LPAR1: variants seen among roughly 807,000 people sequenced by gnomAD.
The protein encoded by LPAR1 is lysophosphatidic acid receptor 1, also known as LPA receptor 1.
A neutral mutation model predicts 23.8 loss-of-function variants in LPAR1; 5 were observed. The ratio of observed to expected loss-of-function variants is 0.21; its 90% CI spans 0.11 to 0.44. LPAR1 has a LOEUF of 0.44. Ranked by LOEUF, LPAR1 falls within the 20% of genes least tolerant of loss-of-function variation. The pLI is 0.99. For synonymous variants in LPAR1, 160 were observed against 164.7 expected (o/e 0.97, Z 0.22); for missense variants, 311 against 482.8 (o/e 0.64, Z 3.33).
chr9:110,964,353 C>A (rs1186352644), intron 4 of LPAR1, among the ~76,000 whole-genome samples: 1 of 151,956 alleles, frequency 6.6e-6, no homozygotes. Flanking sequence ...ACTGAAGAAA[C>A]CTGAATGTGA....
intron 5 of LPAR1, among the ~76,000 whole-genome samples, chr9:110,897,069 G>A (rs909618542): frequency 2.0e-5 from 3 of 152,162 alleles, no homozygotes; most frequent in Admixed American, 1.3e-4. Context: ...TTACAGGCGT[G>A]ATTTAGTGAA....
intron 5 of LPAR1, among the ~76,000 whole-genome samples, chr9:110,929,347 A>G (rs1364606349): frequency 6.6e-6 from 1 of 152,194 alleles, no homozygotes; most frequent in African/African-American, 2.4e-5. Flanking sequence ...AGGTACCAAC[A>G]GAAGAAAAAA....
rs1588114612 is a variant in LPAR1, at chr9:110,881,498, C to G, written c.794-5776G>C. On this transcript the variant is annotated intron_variant, in intron 5 of 5. Transcript: ENST00000683809. The stretch of plus-strand genomic sequence containing the variant: ...CCAAAGCTGCCTTCCCTCTGGTGTA[C>G]TCTCCTTAACATTAAGTAGTGTGTA... Among the ~76,000 whole-genome samples the G allele has an allele frequency of 2.0e-5, 3 of 152,144 alleles. No homozygotes were observed. In the South Asian group the frequency reaches 6.2e-4, roughly 32 times the overall value.
chr9:110,885,565 T>C (rs754327094), intron 5 of LPAR1, among the ~76,000 whole-genome samples: 3 of 152,234 alleles, frequency 2.0e-5, no homozygotes, highest in Admixed American at 2.0e-4. Context: ...ACATACTTCA[T>C]TGCCAATGGT....
At chr9:110,889,391 C>A (rs10125039) in intron 5 of LPAR1, among the ~76,000 whole-genome samples, 64,811 of 151,918 alleles carry the variant, frequency 0.43, 14,772 homozygotes, top group African/African-American at 0.6. Context: ...AAAGAAAAAA[C>A]CACATTAAGT....
intron 2 of LPAR1, among the ~76,000 whole-genome samples, chr9:111,006,572 A>C (rs181355136): frequency 3.9e-5 from 6 of 152,096 alleles, no homozygotes; most frequent in African/African-American, 1.4e-4. Flanking sequence ...CTCAACACAC[A>C]AAAAAAATCC....
rs555540807 is a variant in LPAR1, at chr9:111,027,069, T to C, written c.-182+9053A>G. ...AATGGACTAGGGAGGAGTCCCTCTT[T>C]TTCTATTATTTGGAATAGTTTCAGA... is the stretch of plus-strand genomic sequence containing the variant. On this transcript the variant is annotated intron_variant, in intron 2 of 5. Transcript: ENST00000683809. Among the ~76,000 whole-genome samples the C allele has an allele frequency of 5.4e-4, 82 of 152,328 alleles. 1 individual carries two copies. The highest frequency in any genetic ancestry group is 4.8e-3 in the Admixed American group (73 of 15,308).
intron 2 of LPAR1, among the ~76,000 whole-genome samples, chr9:111,019,032 C>CA (rs980312682): frequency 5.3e-5 from 8 of 151,932 alleles, no homozygotes; most frequent in Admixed American, 5.2e-4. Flanking sequence ...TAGAAGTAGA[C>CA]CATAAAATAG....
chr9:111,009,695 C>A (rs774568252), intron 2 of LPAR1, among the ~76,000 whole-genome samples: 20 of 151,116 alleles, frequency 1.3e-4, no homozygotes, highest in Non-Finnish European at 2.8e-4. Context: ...TAATACTGGG[C>A]ATATATATAT....
chr9:111,014,756 T>C (rs955908629), intron 2 of LPAR1, among the ~76,000 whole-genome samples: 1 of 152,148 alleles, frequency 6.6e-6, no homozygotes, highest in East Asian at 1.9e-4. Context: ...TTCTGGGCTG[T>C]GTTCTCACAC....
chr9:111,034,030 CA>C (rs1367062712), intron 2 of LPAR1, among the ~76,000 whole-genome samples: 1 of 152,164 alleles, frequency 6.6e-6, no homozygotes, highest in Non-Finnish European at 1.5e-5. Context: ...ATACCTCTCC[CA>C]AATGGATCCC....
intron 2 of LPAR1, among the ~76,000 whole-genome samples, chr9:111,000,506 A>C (rs928578386): frequency 1.3e-5 from 2 of 152,184 alleles, no homozygotes; most frequent in African/African-American, 4.8e-5. Flanking sequence ...CCAGCTGCTC[A>C]CTTGCACAAA....
intron 5 of LPAR1, among the ~76,000 whole-genome samples, chr9:110,931,495 G>T (rs1322599904): frequency 6.6e-6 from 1 of 152,154 alleles, no homozygotes; most frequent in African/African-American, 2.4e-5. Context: ...AATTCTGATG[G>T]TAGTTTCTTT....
At chr9:110,896,446 C>G (rs1269578997) in intron 5 of LPAR1, among the ~76,000 whole-genome samples, 1 of 152,290 alleles carries the variant, frequency 6.6e-6, no homozygotes, top group East Asian at 1.9e-4. Flanking sequence ...TAAAAGGCAA[C>G]TCAGAATGTT....
intron 4 of LPAR1, among the ~76,000 whole-genome samples, chr9:110,952,096 A>C (rs12345727): frequency 0.28 from 42,487 of 152,122 alleles, 7,609 homozygotes; most frequent in Non-Finnish European, 0.4. Context: ...CTTTAAACAG[A>C]CCACCTAAAA....
At position 110,941,865 on chromosome 9, in the gene LPAR1, T is replaced by G; in HGVS notation, c.349A>C (p.Thr117Pro). ...FNTGPNTRRL[T>P]VSTWLLRQGL... ...TGACGAAGGAGCCATGTGCTAACAG[T>G]CAGTCTCCGAGTATTGGGTCCTGTG... Residue 117 changes from threonine (T) to proline (P), a missense_variant, in exon 5 of 6, where the codon ACT becomes CCT. By Grantham distance (38) the Thr-to-Pro change is conservative. This residue lies in a region of LPAR1 where 250 missense variants were observed against 427.2 expected (regional missense o/e 0.59). Coordinates refer to ENST00000683809, the MANE Select transcript of LPAR1 (RefSeq NM_001351411.2). The surrounding 1 kb of genome is among the most constrained non-coding windows in gnomAD (Gnocchi z 6.1). 6.2e-7 allele frequency: 1 copy of G among 1,614,218 alleles called. No homozygotes were observed.
intron 4 of LPAR1, among the ~76,000 whole-genome samples, chr9:110,942,619 C>T (rs1055283494): frequency 1.3e-5 from 2 of 152,190 alleles, no homozygotes; most frequent in African/African-American, 4.8e-5. Flanking sequence ...TATTCTCACA[C>T]AGTATGTTCC....
At chr9:111,010,033 A>G (rs1429096055) in intron 2 of LPAR1, among the ~76,000 whole-genome samples, 4 of 74,736 alleles carry the variant, frequency 5.4e-5, no homozygotes, top group Non-Finnish European at 9.9e-5. Context: ...ATATATATAT[A>G]TATATATATA....
chr9:110,983,527 G>A (rs1192831733), intron 2 of LPAR1, among the ~76,000 whole-genome samples: 2 of 152,004 alleles, frequency 1.3e-5, no homozygotes, highest in Non-Finnish European at 2.9e-5. Flanking sequence ...TGTGTAATGG[G>A]TACGGGGTTT....
Sources: allele counts gnomAD v4.1 joint callset (sites outside exome capture counted in the v4.1 genomes callset), GRCh38; gene constraint gnomAD v4.1.1; regional missense constraint gnomAD v4.1.1; non-coding constraint Gnocchi (gnomAD v3.1); transcripts MANE v1.5; gene names NCBI Gene and HGNC (gene_info 2026-07-23, HGNC 2026-07-21).